Variants in INF2 observed in about 807,000 individuals in gnomAD.
INF2 encodes the protein inverted formin-2.
INF2 carries 43 observed loss-of-function variants against 123.5 expected under a neutral mutation model. That is an observed-to-expected ratio of 0.35 (90% CI 0.27 to 0.45). INF2 has a LOEUF of 0.45. Among genes scored for constraint, INF2 ranks in the 20% least tolerant of loss-of-function variants. The pLI, the probability that INF2 is intolerant of heterozygous loss-of-function variation, is 1.00. For missense variants in INF2, 1,453 were observed against 1,682.7 expected (o/e 0.86, Z 2.39); for synonymous variants, 851 against 745.0 (o/e 1.14, Z -2.32).
rs201091360 is a variant in INF2 at position 104,715,292 on chromosome 14, C to T, written c.3703C>T (p.Pro1235Ser). Residue 1235 changes from proline to serine, a missense_variant, in exon 22 of 23, where the codon CCT becomes TCT. Physicochemically the swap from Pro to Ser is moderately conservative, Grantham distance 74. Around this residue, in one of 8 missense-constraint regions of INF2, gnomAD observed 344 missense variants for 333.1 expected, o/e 1.03. Coordinates refer to ENST00000392634, the MANE Select transcript of INF2 (RefSeq NM_022489.4). ...CTTTTATTTGGAAGCAGAGGTTCCC[C>T]CTGATTCTGATGATAATAAAACAAA... The part of the protein sequence containing the change: ...RPSRSQEEVP[P>S]DSDDNKTKKL... 38 of 1,613,580 alleles carry T rather than the reference C, an allele frequency of 2.4e-5. No homozygotes were observed. The highest frequency in any genetic ancestry group is 3.3e-4 in the Middle Eastern group (2 of 6,040).
intron 21 of INF2, 82 bp downstream of exon 21, chr14:104,714,938 C>A: frequency 7.3e-7 from 1 of 1,378,302 alleles, no homozygotes; most frequent in Non-Finnish European, 9.6e-7. Context: ...CCATTGGGCA[C>A]TGCAAGTTCC....
At chr14:104,690,455 G>A (rs1445746439) in intron 1 of INF2, 1 of 152,722 alleles carries the variant, frequency 6.5e-6, no homozygotes, top group Non-Finnish European at 1.5e-5. Flanking sequence ...GGGGTGGTCT[G>A]TCTGTCTGGG....
chr14:104,712,939 G>A lies in INF2; in HGVS notation c.2722G>A (p.Asp908Asn). 6.2e-7 allele frequency: 1 copy of A among 1,612,706 alleles called. No individual in the cohort carries two copies. Residue 908 changes from aspartate (D) to asparagine (N), a missense_variant, in exon 18 of 23, where the codon GAC (aspartate) becomes AAC (asparagine). By Grantham distance (23) the Asp-to-Asn change is conservative. Coordinates refer to ENST00000392634, the MANE Select transcript of INF2 (RefSeq NM_022489.4). ...CEDAQQLSLE[D>N]TFSTMKAFRD... Reference sequence around the variant, plus strand: ...GGACGCCCAGCAGCTGTCCCTGGAGGACACGTTCAGCACCATGAAGGCTTT... The same window carrying A: ...GGACGCCCAGCAGCTGTCCCTGGAGAACACGTTCAGCACCATGAAGGCTTT...
chr14:104,712,372 CT>C, intron 16 of INF2, 60 bp from the exon 17 acceptor site: 4 of 1,605,852 alleles, frequency 2.5e-6, no homozygotes, highest in Non-Finnish European at 3.4e-6. Flanking sequence ...AGGGGCTCCC[CT>C]GTCCCAGCGA....
rs780485574 is a variant in INF2, at chr14:104,714,769, G to A, written c.3607G>A (p.Gly1203Arg). The A allele has an allele frequency of 4.4e-6, 7 of 1,600,564 alleles. No homozygotes were observed. In the South Asian group the frequency reaches 7.8e-5, roughly 18 times the overall value. The part of the protein sequence containing the change: ...FSEDAVTDSS[G>R]SGTLPRARGR... ...CGAGGATGCGGTGACCGACTCCTCG[G>A]GGTCGGGCACACTCCCCAGGGCCCG... The change falls in exon 21 of 23, where the codon GGG becomes AGG. Residue 1203 changes from glycine to arginine, a missense_variant. By Grantham distance (125) the Gly-to-Arg change is moderately radical. This residue lies in a region of INF2 where 344 missense variants were observed against 333.1 expected (regional missense o/e 1.03). Coordinates refer to ENST00000392634, the MANE Select transcript of INF2 (RefSeq NM_022489.4).
chr14:104,688,716 G>T (rs1427369359), upstream of INF2, among the ~76,000 whole-genome samples: 1 of 152,226 alleles, frequency 6.6e-6, no homozygotes, highest in Non-Finnish European at 1.5e-5. Context: ...GCTCCCCCAG[G>T]CCTGCCTTCC....
chr14:104,709,668 G>A lies in INF2; in HGVS notation c.2101G>A (p.Ala701Thr), dbSNP rs772557416. Reference sequence around the variant, plus strand: ...AGAGGAGCGAGCCAAGCTGGCCAGCGCCGACCACTTCTACCTCCTCCTGCT... The same window carrying A: ...AGAGGAGCGAGCCAAGCTGGCCAGCACCGACCACTTCTACCTCCTCCTGCT... Reference protein sequence around the residue: ...FTEERAKLASADHFYLLLLAI... With the variant: ...FTEERAKLASTDHFYLLLLAI... Residue 701 changes from alanine (A) to threonine (T), a missense_variant, in exon 12 of 23, where the codon GCC (alanine) becomes ACC (threonine). By Grantham distance (58) the Ala-to-Thr change is moderately conservative. Around this residue, in one of 8 missense-constraint regions of INF2, gnomAD observed 192 missense variants for 274.4 expected, o/e 0.70. Transcript: ENST00000392634. 1.1e-5 allele frequency: 18 copies of A among 1,612,602 alleles called. No homozygotes were observed. In the African/African-American group the frequency reaches 1.5e-4, roughly 13 times the overall value.
In INF2 at chr14:104,684,255, C is replaced by G. The variant is rs372724593; in HGVS notation, c.-104+2673C>G. Reference sequence around the variant, plus strand: ...TGGGGAGGGACAGCTCGAGGGCTCACTGGAGGTCAGCAGGGAGGTGGACTG... The same window carrying G: ...TGGGGAGGGACAGCTCGAGGGCTCAGTGGAGGTCAGCAGGGAGGTGGACTG... On this transcript the variant is annotated intron_variant, in intron 1 of 2. Transcript: ENST00000674723. The surrounding 1 kb of genome is among the most constrained non-coding windows in gnomAD (Gnocchi z 5.0). The G allele has an allele frequency of 4.4e-5, 18 of 413,010 alleles. No individual in the cohort carries two copies. The highest frequency in any genetic ancestry group is 3.3e-4 in the African/African-American group (16 of 49,080). The allele number at this position is 413,010 out of a possible 1,614,324, so 25.6% of individuals were successfully genotyped here.
At chr14:104,681,456 C>T (rs1351378538) in exon 1 of INF2, 1 of 709,908 alleles carries the variant, frequency 1.4e-6, no homozygotes, top group Non-Finnish European at 2.2e-6. Flanking sequence ...TCTAGGAGGC[C>T]TGATGTAGAA....
upstream of INF2, chr14:104,689,236 G>T: frequency 1.0e-6 from 1 of 985,430 alleles, no homozygotes; most frequent in Non-Finnish European, 1.2e-6. Flanking sequence ...CCGGGCCGGG[G>T]CAGAGAGAGG....
intron 1 of INF2, among the ~76,000 whole-genome samples, chr14:104,698,935 A>C (rs1889334490): frequency 6.6e-6 from 1 of 152,176 alleles, no homozygotes; most frequent in Non-Finnish European, 1.5e-5. Flanking sequence ...CCAGGCACCC[A>C]GGCACGGGGG....
Position 104,701,493 on chromosome 14 carries a change from A to G in INF2, c.128A>G (p.Gln43Arg). ...ADPELCIRLL[Q>R]MPSVVNYSGL... The stretch of plus-strand genomic sequence containing the variant: ...CCCGAGCTGTGCATCCGGCTGCTCC[A>G]GATGCCCTCTGTGGTCAACTACTCC... The change falls in exon 2 of 23, where the codon CAG becomes CGG. Residue 43 changes from glutamine (Q) to arginine (R), a missense_variant. Physicochemically the swap from Gln to Arg is conservative, Grantham distance 43. Coordinates refer to ENST00000392634, the MANE Select transcript of INF2 (RefSeq NM_022489.4). 6.2e-7 allele frequency: 1 copy of G among 1,604,468 alleles called. No individual in the cohort carries two copies. The highest frequency in any genetic ancestry group is 2.2e-5 in the East Asian group (1 of 44,524).
Position 104,684,289 on chromosome 14 carries a change from G to A in INF2, c.-104+2707G>A, listed in dbSNP as rs988003421. The A allele has an allele frequency of 1.9e-4, 71 of 380,884 alleles. No homozygotes were observed. The highest frequency in any genetic ancestry group is 7.7e-4 in the African/African-American group (37 of 47,922). 23.6% of individuals were successfully genotyped at this position (380,884 alleles called of 1,614,324 possible). On this transcript the variant is annotated intron_variant, in intron 1 of 2. Coordinates refer to the INF2 transcript ENST00000674723. This position sits in a 1 kb window ranked among gnomAD's most constrained non-coding sequence, Gnocchi z 5.0. ...AGCAGGGAGGTGGACTGCGTCTCCC[G>A]AGGGCCAGCACTGGCTTAGCCTGCT... is the stretch of plus-strand genomic sequence containing the variant.
At chr14:104,714,072 G>A in intron 20 of INF2, 131 bp from the exon 21 acceptor site, 1 of 773,942 alleles carries the variant, frequency 1.3e-6, no homozygotes, top group Non-Finnish European at 2.0e-6. Context: ...CCTGCTCTGA[G>A]ACATCAGAGG....
At chr14:104,683,109 G>A (rs928041331) in intron 1 of INF2, among the ~76,000 whole-genome samples, 4 of 145,652 alleles carry the variant, frequency 2.7e-5, no homozygotes, top group African/African-American at 9.9e-5. Flanking sequence ...AAGTGTTAAT[G>A]TTGAAAACCC....
chr14:104,707,728 G>A lies in INF2; in HGVS notation c.1461G>A (p.Leu487=), dbSNP rs1889852298. 2 of 1,292,038 alleles carry A rather than the reference G, an allele frequency of 1.5e-6. No individual in the cohort carries two copies. Among genetic ancestry groups the A allele is most frequent in the South Asian group, 1.3e-5 (1 of 78,638 alleles). 80.0% of individuals were successfully genotyped at this position (1,292,038 alleles called of 1,614,324 possible). A position where few individuals can be genotyped will look rare whatever the true frequency, so the allele number is the denominator to read the frequency against. The change falls in exon 8 of 23, where the codon CTG becomes CTA. Residue 487 remains leucine, a synonymous_variant. Coordinates refer to ENST00000392634, the MANE Select transcript of INF2 (RefSeq NM_022489.4). ...PPPLPGSCEF[L]PPPPPPLPGL... is the part of the protein sequence containing the mutation. ...CCCTGCCAGGCTCCTGTGAGTTCCT[G>A]CCCCCACCACCTCCACCACTCCCGG...
At chr14:104,689,964 G>A (rs1025723825) in intron 1 of INF2, 39 of 155,124 alleles carry the variant, frequency 2.5e-4, no homozygotes, top group African/African-American at 9.4e-4. Flanking sequence ...GGTCCTCCGC[G>A]CCGAGGCACC....
At chr14:104,692,964 A>G (rs772471022) in intron 1 of INF2, among the ~76,000 whole-genome samples, 1 of 152,226 alleles carries the variant, frequency 6.6e-6, no homozygotes, top group Non-Finnish European at 1.5e-5. Context: ...TCACCCCAGA[A>G]GGGTGACTGG....
At chr14:104,718,696 C>T (rs542349440) in intron 22 of INF2, 99 bp from the exon 23 acceptor site, 457 of 1,555,794 alleles carry the variant, frequency 2.9e-4, no homozygotes, top group South Asian at 3.9e-4. Context: ...TGGACAGTGG[C>T]GATGAGGGGT....
Sources: gnomAD v4.1 joint callset for allele counts (sites outside exome capture counted in the v4.1 genomes callset) on GRCh38, gnomAD v4.1.1 for gene constraint, gnomAD v4.1.1 regional missense constraint, Gnocchi (gnomAD v3.1) non-coding constraint, MANE v1.5 for transcripts, NCBI Gene and HGNC (gene_info 2026-07-23, HGNC 2026-07-21) for gene names.